The following CADM2 variants were observed in gnomAD, a reference collection of about 807,000 sequenced individuals.
The protein encoded by CADM2 is immunoglobulin superfamily member 4D.
A neutral mutation model predicts 49.8 loss-of-function variants in CADM2; 12 were observed. The ratio of observed to expected loss-of-function variants is 0.24; its 90% CI spans 0.15 to 0.39. The LOEUF (loss-of-function observed/expected upper bound fraction) is 0.39. Ranked by LOEUF, CADM2 falls within the 10% of genes least tolerant of loss-of-function variation. The probability of loss-of-function intolerance (pLI) is 1.00; values close to 1 mark genes in which losing one functional copy is unlikely to be tolerated. For synonymous variants in CADM2, 214 were observed against 175.4 expected (o/e 1.22, Z -1.74); for missense variants, 378 against 492.3 (o/e 0.77, Z 2.20).
At chr3:85,152,849 C>T (rs2039971257) in intron 1 of CADM2, among the ~76,000 whole-genome samples, 1 of 151,524 alleles carries the variant, frequency 6.6e-6, no homozygotes, top group South Asian at 2.1e-4. Context: ...CTTGTAGTGC[C>T]AGCTACTCGG....
intron 1 of CADM2, among the ~76,000 whole-genome samples, chr3:85,466,175 G>A (rs1049904804): frequency 2.0e-5 from 3 of 152,066 alleles, no homozygotes; most frequent in Non-Finnish European, 4.4e-5. Flanking sequence ...GGTAGCAGTA[G>A]TTTTCTTCTG....
Position 85,788,677 on chromosome 3 carries a change from AT to A in CADM2, c.89-13359del, listed in dbSNP as rs960716216. Among the ~76,000 whole-genome samples the A allele has an allele frequency of 4.8e-3, 708 of 148,910 alleles. 2 individuals are homozygous for A. The highest frequency in any genetic ancestry group is 0.014 in the African/African-American group (591 of 40,848). ...GAAACAATTGATTTGAGTTTGAATA[AT>A]TTTTTTTTTTCATTTGGAATTAGGA... On this transcript the variant is annotated intron_variant, in intron 2 of 9. Transcript: ENST00000383699.
intron 6 of CADM2, among the ~76,000 whole-genome samples, chr3:85,935,263 A>G (rs970008912): frequency 1.1e-4 from 17 of 152,140 alleles, no homozygotes; most frequent in African/African-American, 3.9e-4. Flanking sequence ...GCATGTGCCC[A>G]GTGCTGCATC....
At chr3:86,021,289 C>T (rs374600227) in intron 8 of CADM2, among the ~76,000 whole-genome samples, 7 of 150,312 alleles carry the variant, frequency 4.7e-5, no homozygotes, top group East Asian at 2.0e-4. Flanking sequence ...TGTGAGTCAC[C>T]GCACCTGGCC....
At chr3:85,260,651 G>A (rs1445512459) in intron 1 of CADM2, among the ~76,000 whole-genome samples, 1 of 151,980 alleles carries the variant, frequency 6.6e-6, no homozygotes, top group Non-Finnish European at 1.5e-5. Flanking sequence ...CACTGCTATG[G>A]GCTGCACCTA....
intron 2 of CADM2, among the ~76,000 whole-genome samples, chr3:85,782,249 A>T (rs2070696124): frequency 6.6e-6 from 1 of 152,236 alleles, no homozygotes; most frequent in African/African-American, 2.4e-5. Flanking sequence ...ATGTTAGAAT[A>T]AATGGAAATT....
At chr3:85,481,813 GT>G (rs62677260) in intron 1 of CADM2, among the ~76,000 whole-genome samples, 6,849 of 143,466 alleles carry the variant, frequency 0.048, 505 homozygotes, top group African/African-American at 0.16. Context: ...TTCATTCTTG[GT>G]TTTTTTTTTT....
At chr3:85,921,185 C>G (rs1321003622) in intron 6 of CADM2, among the ~76,000 whole-genome samples, 5 of 151,974 alleles carry the variant, frequency 3.3e-5, no homozygotes, top group African/African-American at 7.2e-5. Flanking sequence ...AATTTAATAA[C>G]TTATTCTACT....
At chr3:85,131,961 G>A (rs541621920) in intron 1 of CADM2, among the ~76,000 whole-genome samples, 1 of 151,452 alleles carries the variant, frequency 6.6e-6, no homozygotes, top group Admixed American at 6.6e-5. Flanking sequence ...TAGATCAATA[G>A]TTACTCCAGA....
chr3:85,365,199 C>CTTTTTTTTTTTTTTTTTTTTTT (rs397962829), intron 1 of CADM2, among the ~76,000 whole-genome samples: 4 of 104,716 alleles, frequency 3.8e-5, no homozygotes, highest in Non-Finnish European at 3.6e-5. Context: ...TTTTTTTTTA[C>CTTTTTTTTTTTTTTTTTTTTTT]TTTTTTTTTT....
rs529444360 is a variant in CADM2, at chr3:85,330,999, A to G, written c.61+371331A>G. ...AATCACTTTTTTATTTAGAACGTTT[A>G]TGGATATATAATAGCTGTGCATATT... On this transcript the variant is annotated intron_variant, in intron 1 of 9. Transcript: ENST00000383699. 5.3e-5 allele frequency among the ~76,000 whole-genome samples: 8 copies of G among 152,166 alleles called. No individual in the cohort carries two copies. The East Asian group carries it at 1.4e-3, about 26-fold the overall frequency.
intron 1 of CADM2, among the ~76,000 whole-genome samples, chr3:85,500,094 T>C (rs1052486908): frequency 9.9e-5 from 15 of 152,154 alleles, no homozygotes; most frequent in Non-Finnish European, 1.6e-4. Context: ...ATAATAATAT[T>C]AGGGAGAGCA....
At chr3:85,391,789 A>G (rs964568770) in intron 1 of CADM2, among the ~76,000 whole-genome samples, 2 of 152,096 alleles carry the variant, frequency 1.3e-5, no homozygotes, top group African/African-American at 4.8e-5. Context: ...CTGCATATGC[A>G]TGGGGCAGGT....
In CADM2 at chr3:85,389,143, A is replaced by G. The variant is rs188198544; in HGVS notation, c.62-337379A>G. Among the ~76,000 whole-genome samples, 8 of 152,200 alleles carry G rather than the reference A, an allele frequency of 5.3e-5. No homozygotes were observed. In the East Asian group the frequency reaches 1.5e-3, roughly 29 times the overall value. On this transcript the variant is annotated intron_variant, in intron 1 of 9. Coordinates refer to ENST00000383699, the MANE Select transcript of CADM2 (RefSeq NM_001167675.2). Reference sequence around the variant, plus strand: ...GCATATGTCACTTATGTGCATTTCTATGGCGCCATAGAGTAATTGAATAGA... The same window carrying G: ...GCATATGTCACTTATGTGCATTTCTGTGGCGCCATAGAGTAATTGAATAGA...
At chr3:85,253,014 A>T (rs1301234030) in intron 1 of CADM2, among the ~76,000 whole-genome samples, 1 of 152,120 alleles carries the variant, frequency 6.6e-6, no homozygotes, top group African/African-American at 2.4e-5. Flanking sequence ...AACTCTACTA[A>T]TGATTACAGT....
intron 1 of CADM2, among the ~76,000 whole-genome samples, chr3:85,596,094 A>G (rs920104814): frequency 2.0e-5 from 3 of 151,816 alleles, no homozygotes; most frequent in Non-Finnish European, 2.9e-5. Flanking sequence ...CTTTCAGCAT[A>G]TTTATTTATC....
At chr3:85,314,103 T>C (rs997509321) in intron 1 of CADM2, among the ~76,000 whole-genome samples, 1 of 152,126 alleles carries the variant, frequency 6.6e-6, no homozygotes, top group Non-Finnish European at 1.5e-5. Context: ...TTAGCCAGGA[T>C]GGTCTCGATC....
chr3:85,601,128 GTGTATATATATATATATATATATA>G (rs2063382095), intron 1 of CADM2, among the ~76,000 whole-genome samples: 1 of 35,216 alleles, frequency 2.8e-5, no homozygotes, highest in African/African-American at 8.9e-5. Context: ...TTATATATGT[GTGTATATATATATATATATATATA>G]TATATATATA....
chr3:85,536,269 T>A (rs1287391658), intron 1 of CADM2, among the ~76,000 whole-genome samples: 1 of 151,982 alleles, frequency 6.6e-6, no homozygotes, highest in East Asian at 1.9e-4. Context: ...GGATAGCTCA[T>A]ACCTGAGATT....
Sources: allele counts gnomAD v4.1 joint callset (sites outside exome capture counted in the v4.1 genomes callset), GRCh38; gene constraint gnomAD v4.1.1; transcripts MANE v1.5; gene names NCBI Gene and HGNC (gene_info 2026-07-23, HGNC 2026-07-21).